The following CEP104 variants were observed in gnomAD, a reference collection of about 807,000 sequenced individuals.
The protein encoded by CEP104 is centrosomal protein of 104 kDa.
A neutral mutation model predicts 113.3 loss-of-function variants in CEP104; 84 were observed. The observed-to-expected ratio is 0.74, with a 90% CI of 0.62 to 0.89. CEP104 has a LOEUF of 0.89. Ranked by LOEUF, CEP104 falls within the 40% of genes least tolerant of loss-of-function variation. CEP104 has a pLI of 0.00. For synonymous variants in CEP104, 378 were observed against 421.7 expected, an observed-to-expected ratio of 0.90 and a Z score of 1.27; for missense variants, 1,053 against 1,156.6, an observed-to-expected ratio of 0.91 and a Z score of 1.30.
chr1:3,835,028 T>A lies in CEP104; in HGVS notation c.1382A>T (p.Lys461Met), dbSNP rs751333554. The A allele has an allele frequency of 6.2e-7, 1 of 1,614,088 alleles. No individual in the cohort carries two copies. ...GGTTCCAACAGGCATTTCCATTAAC[T>A]TCTTAGACAAGGCAAGCAGTGCATC... ...REDALLALSK[K>M]LMEMPVGTPK... Residue 461 changes from lysine (K) to methionine (M), a missense_variant, in exon 11 of 22, where the codon AAG (lysine) becomes ATG (methionine). Coordinates refer to ENST00000378230, the MANE Select transcript of CEP104 (RefSeq NM_014704.4).
rs945374626 is a variant in CEP104 at position 3,819,920 on chromosome 1, G to A, written c.2571+3254C>T. On this transcript the variant is annotated intron_variant, in intron 20 of 21. Coordinates refer to ENST00000378230, the MANE Select transcript of CEP104 (RefSeq NM_014704.4). This position sits in a 1 kb window ranked among gnomAD's most constrained non-coding sequence, Gnocchi z 4.6. ...GGGCCTCTAGGAGTTGAGTGGCTCC[G>A]GGTTGACAGCCCCCAAGAACATATT... 5.3e-5 allele frequency among the ~76,000 whole-genome samples: 8 copies of A among 152,242 alleles called. No homozygotes were observed. The highest frequency in any genetic ancestry group is 2.1e-4 in the South Asian group (1 of 4,816).
In CEP104 at chr1:3,823,031, T is replaced by C; in HGVS notation, c.2571+143A>G. On this transcript the variant is annotated intron_variant, in intron 20 of 21. Transcript: ENST00000378230. This position sits in a 1 kb window ranked among gnomAD's most constrained non-coding sequence, Gnocchi z 4.1. ...AACGGAACGACTGCTCAGACAGGGCTCACTAGACGCTGTCCCCTCCCTGAA... is the reference window on the plus strand; with the variant it reads ...AACGGAACGACTGCTCAGACAGGGCCCACTAGACGCTGTCCCCTCCCTGAA... 1.4e-6 allele frequency: 1 copy of C among 715,160 alleles called. No homozygotes were observed. Among genetic ancestry groups the C allele is most frequent in the Non-Finnish European group, 2.4e-6 (1 of 411,768 alleles). The allele number at this position is 715,160 out of a possible 1,614,324, so 44.3% of individuals were successfully genotyped here. A position where few individuals can be genotyped will look rare whatever the true frequency, so the allele number is the denominator to read the frequency against.
chr1:3,852,231 C>T, intron 2 of CEP104, 64 bp downstream of exon 2: 1 of 1,528,380 alleles, frequency 6.5e-7, no homozygotes. Context: ...AAAGGAGCCC[C>T]TGTACCCTCC....
intron 6 of CEP104, among the ~76,000 whole-genome samples, chr1:3,841,755 A>G (rs1272287743): frequency 6.6e-6 from 1 of 152,262 alleles, no homozygotes; most frequent in Non-Finnish European, 1.5e-5. Context: ...GGCAAACCAC[A>G]GCCTGCCATC....
chr1:3,818,420 C>T (rs1330332090), intron 20 of CEP104, among the ~76,000 whole-genome samples: 1 of 152,226 alleles, frequency 6.6e-6, no homozygotes, highest in Non-Finnish European at 1.5e-5. Context: ...GCAGTTACTT[C>T]CTTGCCATGT....
chr1:3,838,416 G>A (rs896362705), intron 8 of CEP104, among the ~76,000 whole-genome samples: 9 of 152,116 alleles, frequency 5.9e-5, no homozygotes, highest in Admixed American at 1.3e-4. Context: ...CTCCCAAAGT[G>A]ATGGGATTAC....
At chr1:3,843,370 T>C (rs1378680882) in intron 6 of CEP104, 1 of 484,542 alleles carries the variant, frequency 2.1e-6, no homozygotes, top group African/African-American at 2.1e-5. Context: ...CAGAAAAATA[T>C]GTATAATTTT....
chr1:3,855,276 G>A (rs1644693337), intron 1 of CEP104, among the ~76,000 whole-genome samples: 1 of 151,036 alleles, frequency 6.6e-6, no homozygotes, highest in Non-Finnish European at 1.5e-5. Flanking sequence ...TGAACTCTCG[G>A]GCTCAAATGA....
Position 3,852,432 on chromosome 1 carries a change from G to C in CEP104, c.-14-11C>G. ...TTCTGCACGTTTGGGCTGTTTATAA[G>C]AGCAGGAAAAACTTCTTTAAAACAA... On this transcript the variant is annotated splice_polypyrimidine_tract_variant and intron_variant, in intron 1 of 21. Coordinates refer to ENST00000378230, the MANE Select transcript of CEP104 (RefSeq NM_014704.4). The C allele has an allele frequency of 1.9e-6, 3 of 1,599,252 alleles. No individual in the cohort carries two copies. Among genetic ancestry groups the C allele is most frequent in the Non-Finnish European group, 2.6e-6 (3 of 1,171,716 alleles).
intron 2 of CEP104, among the ~76,000 whole-genome samples, chr1:3,849,162 G>C (rs550566531): frequency 6.6e-6 from 1 of 152,014 alleles, no homozygotes; most frequent in Non-Finnish European, 1.5e-5. Flanking sequence ...AGGGCCCCAA[G>C]GTATCAATAT....
intron 8 of CEP104, among the ~76,000 whole-genome samples, 199 bp downstream of exon 8, chr1:3,838,765 G>A (rs1644360409): frequency 6.6e-6 from 1 of 152,224 alleles, no homozygotes; most frequent in Admixed American, 6.5e-5. Flanking sequence ...TCCCACGACT[G>A]TGAGTCTCCT....
intron 3 of CEP104, among the ~76,000 whole-genome samples, chr1:3,847,930 G>A (rs765316323): frequency 1.3e-5 from 2 of 152,020 alleles, no homozygotes; most frequent in East Asian, 1.9e-4. Context: ...CACCTCCCGG[G>A]TTCAAGCAAT....
Position 3,844,901 on chromosome 1 carries a change from T to C in CEP104, c.566+6A>G. ...GAAGTTCATTGATGGGGAGCAGGAC[T>C]CTTACCTGGCGTACGTTCCTTCTAG... On this transcript the variant is annotated splice_donor_region_variant and intron_variant, in intron 6 of 21. Coordinates refer to ENST00000378230, the MANE Select transcript of CEP104 (RefSeq NM_014704.4). 1 of 1,610,642 alleles carries C rather than the reference T, an allele frequency of 6.2e-7. No homozygotes were observed. Among genetic ancestry groups the C allele is most frequent in the Non-Finnish European group, 8.5e-7 (1 of 1,176,946 alleles).
At chr1:3,816,195 A>C in intron 21 of CEP104, 85 bp downstream of exon 21, 1 of 1,181,918 alleles carries the variant, frequency 8.5e-7, no homozygotes, top group South Asian at 1.5e-5. Context: ...GGGTCTTGCC[A>C]TGTTGCCCTG....
At chr1:3,820,984 G>C in intron 20 of CEP104, among the ~76,000 whole-genome samples, 1 of 152,268 alleles carries the variant, frequency 6.6e-6, no homozygotes, top group Non-Finnish European at 1.5e-5. Context: ...AGAACGGGAA[G>C]GGGAAGTGTG....
At chr1:3,835,593 GA>G (rs746241642) in intron 10 of CEP104, among the ~76,000 whole-genome samples, 22 of 152,276 alleles carry the variant, frequency 1.4e-4, no homozygotes, top group Non-Finnish European at 2.8e-4. Context: ...GGCTGGTCTT[GA>G]ACTCCTGACC....
intron 20 of CEP104, among the ~76,000 whole-genome samples, chr1:3,817,751 C>T (rs934433292): frequency 5.3e-5 from 8 of 152,214 alleles, no homozygotes; most frequent in African/African-American, 1.9e-4. Context: ...CCTCTCCATC[C>T]CTTGAATCTG....
rs1247561656 is a variant in CEP104, at chr1:3,819,222, C to T, written c.2572-2852G>A. Among the ~76,000 whole-genome samples, 1 of 152,172 alleles carries T rather than the reference C, an allele frequency of 6.6e-6. No individual in the cohort carries two copies. Among genetic ancestry groups the T allele is most frequent in the Non-Finnish European group, 1.5e-5 (1 of 68,044 alleles). On this transcript the variant is annotated intron_variant, in intron 20 of 21. Transcript: ENST00000378230. This position sits in a 1 kb window ranked among gnomAD's most constrained non-coding sequence, Gnocchi z 4.6. ...CACGTTAAGTCAAAGACACAAAGGC[C>T]GCATAGTGTCTGATTCCATTTACAG...
At chr1:3,829,044 TCTGA>T (rs1364080829) in intron 15 of CEP104, among the ~76,000 whole-genome samples, 1 of 152,168 alleles carries the variant, frequency 6.6e-6, no homozygotes, top group African/African-American at 2.4e-5. Context: ...TCACATCAAT[TCTGA>T]CAGAGGATGG....
Sources: gnomAD v4.1 joint callset for allele counts (sites outside exome capture counted in the v4.1 genomes callset) on GRCh38, gnomAD v4.1.1 for gene constraint, Gnocchi (gnomAD v3.1) non-coding constraint, MANE v1.5 for transcripts, NCBI Gene and HGNC (gene_info 2026-07-23, HGNC 2026-07-21) for gene names.